The following NDE1 variants were observed in gnomAD, a reference collection of about 807,000 sequenced individuals.
The protein encoded by NDE1 is nudE neurodevelopment protein 1.
Under a neutral mutation model 43.4 loss-of-function variants are expected in NDE1, and 28 were observed. The observed-to-expected ratio is 0.65, with a 90% confidence interval of 0.48 to 0.89. The LOEUF is 0.89. Ranked by LOEUF, NDE1 falls within the 40% of genes least tolerant of loss-of-function variation. The pLI is 0.00. For missense variants in NDE1, 441 were observed against 434.1 expected, an observed-to-expected ratio of 1.02 and a Z score of -0.14; for synonymous variants, 184 against 172.0, an observed-to-expected ratio of 1.07 and a Z score of -0.55.
At chr16:15,661,027 C>T (rs1225681586) in intron 1 of NDE1, among the ~76,000 whole-genome samples, 1 of 152,098 alleles carries the variant, frequency 6.6e-6, no homozygotes, top group Non-Finnish European at 1.5e-5. Context: ...TATTGTTGAC[C>T]CAATTTCAAC....
At chr16:15,717,022 A>T in intron 8 of NDE1, 1 of 1,109,280 alleles carries the variant, frequency 9.0e-7, no homozygotes, top group Non-Finnish European at 1.4e-6. Context: ...TGTAGGCATC[A>T]CAGAGCTTGC....
At chr16:15,718,618 A>G in intron 8 of NDE1, 9 of 938,110 alleles carry the variant, frequency 9.6e-6, no homozygotes, top group Non-Finnish European at 1.2e-5. Flanking sequence ...GCCGGGACTC[A>G]GGCCGGGTCC....
chr16:15,715,373 C>G, intron 8 of NDE1: 1 of 1,000,280 alleles, frequency 1.0e-6, no homozygotes, highest in Non-Finnish European at 1.6e-6. Flanking sequence ...TCCTGAGCCC[C>G]GTATCTGGAC....
chr16:15,705,850 G>A (rs904962021), intron 8 of NDE1, among the ~76,000 whole-genome samples: 1 of 151,740 alleles, frequency 6.6e-6, no homozygotes, highest in African/African-American at 2.4e-5. Flanking sequence ...GCGTGCTGGC[G>A]GGTGCCTGTA....
chr16:15,644,918 C>CTTTT (rs34053597), intron 1 of NDE1, among the ~76,000 whole-genome samples: 2 of 129,608 alleles, frequency 1.5e-5, no homozygotes, highest in South Asian at 2.4e-4. Context: ...TTCCTTTTTA[C>CTTTT]TTTTTTTTTT....
At chr16:15,651,426 A>G (rs1438617593) in intron 1 of NDE1, 1 of 141,148 alleles carries the variant, frequency 7.1e-6, no homozygotes, top group Non-Finnish European at 1.5e-5. Context: ...TTGGTATACA[A>G]CCCGTTTTTT....
intron 8 of NDE1, among the ~76,000 whole-genome samples, chr16:15,708,146 T>C (rs2039566637): frequency 6.6e-6 from 1 of 152,060 alleles, no homozygotes; most frequent in South Asian, 2.1e-4. Flanking sequence ...GTGGTCAGCT[T>C]CCACCCCGTG....
intron 3 of NDE1, among the ~76,000 whole-genome samples, chr16:15,676,054 G>C (rs2037853665): frequency 6.6e-6 from 1 of 151,996 alleles, no homozygotes; most frequent in South Asian, 2.1e-4. Flanking sequence ...GAATCATTGA[G>C]AAGTCAGCTG....
At chr16:15,675,906 C>G (rs1383127530) in intron 3 of NDE1, among the ~76,000 whole-genome samples, 7 of 152,124 alleles carry the variant, frequency 4.6e-5, no homozygotes, top group Admixed American at 4.6e-4. Context: ...CCAGTTGATT[C>G]TGGGCTAGTC....
At chr16:15,648,167 A>C (rs558934053), upstream of NDE1, among the ~76,000 whole-genome samples, 13 of 152,314 alleles carry the variant, frequency 8.5e-5, no homozygotes, top group Admixed American at 2.0e-4. Flanking sequence ...ACATCAGGGT[A>C]AATGGGTGTC....
chr16:15,644,081 T>G (rs927504538), intron 1 of NDE1, among the ~76,000 whole-genome samples: 1 of 152,214 alleles, frequency 6.6e-6, no homozygotes, highest in African/African-American at 2.4e-5. Flanking sequence ...ACCAGCTGAT[T>G]ACTATTTTCT....
intron 8 of NDE1, 172 bp from the exon 9 acceptor site, chr16:15,724,019 C>G (rs1303177996): frequency 1.4e-6 from 2 of 1,426,944 alleles, no homozygotes; most frequent in Non-Finnish European, 1.9e-6. Flanking sequence ...TCGCCCAAGA[C>G]AAGATAAGAC....
intron 1 of NDE1, among the ~76,000 whole-genome samples, chr16:15,662,824 C>T (rs1402210303): frequency 6.6e-6 from 1 of 152,128 alleles, no homozygotes; most frequent in Non-Finnish European, 1.5e-5. Context: ...AGCGATCTGC[C>T]TACCTTGGCC....
chr16:15,721,979 T>G (rs1318137485), intron 8 of NDE1, among the ~76,000 whole-genome samples: 1 of 152,166 alleles, frequency 6.6e-6, no homozygotes, highest in Non-Finnish European at 1.5e-5. Context: ...TGCCTCAGCC[T>G]CCAGAGTAGT....
chr16:15,650,275 G>A lies in NDE1; in HGVS notation c.-63G>A, dbSNP rs770161419. On this transcript the variant is annotated 5_prime_UTR_variant, in exon 1 of 9. Transcript: ENST00000396354. ...CGCCTCTGCCGCCGCCGCCGCGTTG[G>A]CCTCGCCGCCCCTGCTCGGGTAAGT... is the stretch of plus-strand genomic sequence containing the variant. 3.2e-6 allele frequency: 1 copy of A among 314,374 alleles called. No homozygotes were observed. Among genetic ancestry groups the A allele is most frequent in the Non-Finnish European group, 6.6e-6 (1 of 152,494 alleles). The allele number at this position is 314,374 out of a possible 1,614,324, so 19.5% of individuals were successfully genotyped here.
At chr16:15,687,251 C>G (rs769842585) in intron 4 of NDE1, 124 bp from the exon 5 acceptor site, 1 of 1,584,312 alleles carries the variant, frequency 6.3e-7, no homozygotes, top group Non-Finnish European at 8.6e-7. Flanking sequence ...TCTGTGGCAT[C>G]TAGGAAGTTT....
chr16:15,685,093 C>G (rs1397941036), intron 4 of NDE1, among the ~76,000 whole-genome samples: 1 of 152,222 alleles, frequency 6.6e-6, no homozygotes. Flanking sequence ...GGGTCTTCCT[C>G]TTTATATACT....
Position 15,715,005 on chromosome 16 carries a change from T to C in NDE1, c.948-9186T>C, listed in dbSNP as rs776619789. 1.2e-5 allele frequency: 19 copies of C among 1,613,900 alleles called. No individual in the cohort carries two copies. The East Asian group carries it at 1.3e-4, about 11-fold the overall frequency. ...CCGCTGCAGCTTCCTGCGGTTGGCG[T>C]TGATGCGCTGGGACTCCTCCTCTGC... On this transcript the variant is annotated intron_variant, in intron 8 of 8. Coordinates refer to ENST00000396354, the MANE Select transcript of NDE1 (RefSeq NM_017668.3).
At chr16:15,665,005 C>G in intron 2 of NDE1, 144 bp downstream of exon 2, 1 of 655,882 alleles carries the variant, frequency 1.5e-6, no homozygotes, top group Admixed American at 2.6e-5. Context: ...AAGCGATCAT[C>G]CTGGCTCAGC....
Sources: gnomAD v4.1 joint callset for allele counts (sites outside exome capture counted in the v4.1 genomes callset) on GRCh38, gnomAD v4.1.1 for gene constraint, MANE v1.5 for transcripts, NCBI Gene and HGNC (gene_info 2026-07-23, HGNC 2026-07-21) for gene names.